CCDC150: variants seen among roughly 807,000 people sequenced by gnomAD.
CCDC150 encodes the protein coiled-coil domain containing 150, also known as coiled-coil domain-containing protein 150.
Under a neutral mutation model 156.5 loss-of-function variants are expected in CCDC150, and 151 were observed. The ratio of observed to expected loss-of-function variants is 0.97; its 90% CI spans 0.85 to 1.10. The LOEUF (loss-of-function observed/expected upper bound fraction) is 1.10, where lower values mean the gene tolerates loss of function less well. Among genes scored for constraint, CCDC150 ranks in the 50% least tolerant of loss-of-function variants. The probability of loss-of-function intolerance (pLI) is 0.00; values close to 1 mark genes in which losing one functional copy is unlikely to be tolerated. For synonymous variants in CCDC150, 452 were observed against 429.4 expected (o/e 1.05, Z -0.65); for missense variants, 1,312 against 1,268.1 (o/e 1.03, Z -0.53).
chr2:196,653,450 GC>G (rs768342044), intron 2 of CCDC150, among the ~76,000 whole-genome samples: 1 of 152,132 alleles, frequency 6.6e-6, no homozygotes, highest in Non-Finnish European at 1.5e-5. Context: ...ATCCTTAAGG[GC>G]ACGGACACAG....
Position 196,676,124 on chromosome 2 carries a change from T to C in CCDC150, c.1138-19T>C, listed in dbSNP as rs762180171. On this transcript the variant is annotated intron_variant, in intron 10 of 27. Coordinates refer to ENST00000389175, the MANE Select transcript of CCDC150 (RefSeq NM_001080539.2). ...GACTTTGTGGAGCTTCAACTTCTAA[T>C]ATTGCTTTTAACACTCAGGTAGAGC... The C allele has an allele frequency of 1.7e-5, 27 of 1,612,540 alleles. No individual in the cohort carries two copies. Among genetic ancestry groups the C allele is most frequent in the African/African-American group, 2.7e-5 (2 of 74,898 alleles).
rs199761560 is a variant in CCDC150 at position 196,695,115 on chromosome 2, A to C, written c.1579A>C (p.Met527Leu). ...AGAGAATAAGCACCTGGCAGATCAAATGGCTTCCCTAGAACTTCAGCAAGT... is the reference window on the plus strand; with the variant it reads ...AGAGAATAAGCACCTGGCAGATCAACTGGCTTCCCTAGAACTTCAGCAAGT... ...EEENKHLADQ[M>L]ASLELQQVTS... The change falls in exon 14 of 28, where the codon ATG becomes CTG. Residue 527 changes from methionine to leucine, a missense_variant. Coordinates refer to ENST00000389175, the MANE Select transcript of CCDC150 (RefSeq NM_001080539.2). 165 of 1,612,880 alleles carry C rather than the reference A, an allele frequency of 1.0e-4. No individual in the cohort carries two copies. In the Middle Eastern group the frequency reaches 1.7e-3, roughly 16 times the overall value.
chr2:196,721,859 G>C (rs906228747), intron 21 of CCDC150, among the ~76,000 whole-genome samples, 168 bp downstream of exon 21: 8 of 152,222 alleles, frequency 5.3e-5, no homozygotes, highest in Non-Finnish European at 7.3e-5. Context: ...AGCACCAGCA[G>C]GTAATAGCTG....
At chr2:196,645,106 A>T (rs1692458054) in intron 1 of CCDC150, among the ~76,000 whole-genome samples, 1 of 152,186 alleles carries the variant, frequency 6.6e-6, no homozygotes, top group African/African-American at 2.4e-5. Flanking sequence ...CTTAGGTGAC[A>T]GAGCAAGACT....
chr2:196,701,149 AT>A lies in CCDC150; in HGVS notation c.1665del (p.Asn555LysfsTer12). ...QKVEKITESK[N>X]KLAYENGKLQ... The stretch of plus-strand genomic sequence containing the variant: ...GTGGAAAAAATCACTGAAAGTAAAA[AT>A]AAACTGGCCTATGAAAACGGAAAAC... On this transcript the variant is annotated frameshift_variant, in exon 15 of 28. Transcript: ENST00000389175. LOFTEE classifies it high-confidence loss of function. The A allele has an allele frequency of 6.2e-7, 1 of 1,609,566 alleles. No individual in the cohort carries two copies. The highest frequency in any genetic ancestry group is 8.5e-7 in the Non-Finnish European group (1 of 1,178,124).
intron 13 of CCDC150, among the ~76,000 whole-genome samples, chr2:196,684,695 A>G (rs1167597464): frequency 6.6e-6 from 1 of 152,080 alleles, no homozygotes; most frequent in African/African-American, 2.4e-5. Flanking sequence ...TTCCTTCAAT[A>G]CTGTCATTTT....
At chr2:196,666,620 T>C in intron 6 of CCDC150, 99 bp from the exon 7 acceptor site, 1 of 992,872 alleles carries the variant, frequency 1.0e-6, no homozygotes, top group Non-Finnish European at 1.5e-6. Flanking sequence ...TGCTTCTCAG[T>C]GACATTAAGG....
intron 9 of CCDC150, among the ~76,000 whole-genome samples, chr2:196,673,870 C>A (rs1462104721): frequency 4.6e-5 from 7 of 152,046 alleles, no homozygotes; most frequent in Non-Finnish European, 1.0e-4. Flanking sequence ...GTGTTACCAG[C>A]TAAATAATTC....
chr2:196,702,555 G>A (rs1322628828), intron 15 of CCDC150, among the ~76,000 whole-genome samples: 1 of 151,864 alleles, frequency 6.6e-6, no homozygotes, highest in East Asian at 1.9e-4. Flanking sequence ...TTTTTCCATG[G>A]AGATAGGGTT....
intron 13 of CCDC150, among the ~76,000 whole-genome samples, chr2:196,684,463 A>G (rs934770658): frequency 6.6e-5 from 10 of 152,116 alleles, no homozygotes; most frequent in African/African-American, 2.4e-4. Context: ...GTTTTGTGGT[A>G]TAACAGGGTT....
chr2:196,706,065 G>A (rs746253784), intron 15 of CCDC150, among the ~76,000 whole-genome samples: 2 of 151,996 alleles, frequency 1.3e-5, no homozygotes, highest in South Asian at 2.1e-4. Flanking sequence ...GAACTTTAAA[G>A]TAGTGAAGAA....
intron 10 of CCDC150, 101 bp from the exon 11 acceptor site, chr2:196,676,042 T>C: frequency 8.9e-7 from 1 of 1,120,704 alleles, no homozygotes; most frequent in Non-Finnish European, 1.3e-6. Flanking sequence ...TGAAACTTGT[T>C]TTTTTAAGTT....
chr2:196,652,229 G>T (rs1692923539), intron 2 of CCDC150, among the ~76,000 whole-genome samples: 1 of 152,174 alleles, frequency 6.6e-6, no homozygotes, highest in Admixed American at 6.5e-5. Context: ...GTACACTAAA[G>T]GCTTATTCCA....
chr2:196,670,004 A>T, intron 8 of CCDC150, 128 bp downstream of exon 8: 1 of 595,856 alleles, frequency 1.7e-6, no homozygotes, highest in Admixed American at 2.9e-5. Flanking sequence ...TTTCATGTAA[A>T]TGAGTAGTAT....
intron 15 of CCDC150, among the ~76,000 whole-genome samples, chr2:196,705,310 A>G (rs543541276): frequency 2.0e-5 from 3 of 152,176 alleles, no homozygotes; most frequent in Non-Finnish European, 4.4e-5. Context: ...GCCAGTGATG[A>G]TGAGCATTTT....
intron 13 of CCDC150, among the ~76,000 whole-genome samples, chr2:196,694,722 C>T (rs1695710654): frequency 6.6e-6 from 1 of 151,974 alleles, no homozygotes. Context: ...ATTAGCTGGG[C>T]ATGGTGGTGC....
In CCDC150 at chr2:196,702,490, A is replaced by T. The variant is rs566964207; in HGVS notation, c.1695+1310A>T. On this transcript the variant is annotated intron_variant, in intron 15 of 27. Coordinates refer to ENST00000389175, the MANE Select transcript of CCDC150 (RefSeq NM_001080539.2). ...TTCCTCCCACCTCAGTCACCCAAGTAGCTGGGATTCAGGTGTGCAGCACCA... is the reference window on the plus strand; with the variant it reads ...TTCCTCCCACCTCAGTCACCCAAGTTGCTGGGATTCAGGTGTGCAGCACCA... Among the ~76,000 whole-genome samples, 3 of 152,016 alleles carry T rather than the reference A, an allele frequency of 2.0e-5. No individual in the cohort carries two copies. In the East Asian group the frequency reaches 5.8e-4, roughly 29 times the overall value.
Position 196,732,365 on chromosome 2 carries a change from A to C in CCDC150, c.3190-81A>C, listed in dbSNP as rs533596886. The C allele has an allele frequency of 7.8e-6, 9 of 1,152,140 alleles. No individual in the cohort carries two copies. In the African/African-American group the frequency reaches 1.4e-4, roughly 18 times the overall value. The allele number at this position is 1,152,140 out of a possible 1,614,324, so 71.4% of individuals were successfully genotyped here. A position where few individuals can be genotyped will look rare whatever the true frequency, so the allele number is the denominator to read the frequency against. On this transcript the variant is annotated intron_variant, in intron 27 of 27. Transcript: ENST00000389175. ...AATCACTTGTCTTCATGAATAGATG[A>C]CATGTGTAGAGGCAAAACAGGTGCA...
chr2:196,639,871 C>A, intron 1 of CCDC150, 93 bp downstream of exon 1: 2 of 1,130,902 alleles, frequency 1.8e-6, no homozygotes, highest in Non-Finnish European at 2.4e-6. Context: ...CTGGCGCCCT[C>A]TCCCTGTCCT....
Sources: gnomAD v4.1 joint callset for allele counts (sites outside exome capture counted in the v4.1 genomes callset) on GRCh38, gnomAD v4.1.1 for gene constraint, MANE v1.5 for transcripts, NCBI Gene and HGNC (gene_info 2026-07-23, HGNC 2026-07-21) for gene names.